Variants in ROBO2 observed in about 807,000 individuals in gnomAD.
The protein encoded by ROBO2 is roundabout homolog 2.
ROBO2 carries 53 observed loss-of-function variants against 160.8 expected under a neutral mutation model. The observed-to-expected ratio is 0.33, with a 90% CI of 0.26 to 0.41. The LOEUF is 0.41. Ranked by LOEUF, ROBO2 falls within the 10% of genes least tolerant of loss-of-function variation. The probability of loss-of-function intolerance (pLI) is 1.00; values close to 1 mark genes in which losing one functional copy is unlikely to be tolerated. For missense variants in ROBO2, 1,577 were observed against 1,722.4 expected, an observed-to-expected ratio of 0.92 and a Z score of 1.49; for synonymous variants, 664 against 611.7, an observed-to-expected ratio of 1.09 and a Z score of -1.26.
chr3:76,321,154 A>C (rs1411030235), intron 2 of ROBO2, among the ~76,000 whole-genome samples: 2 of 152,164 alleles, frequency 1.3e-5, no homozygotes, highest in African/African-American at 2.4e-5. Flanking sequence ...CCTAGGCTCT[A>C]AATAGAGCAA....
intron 2 of ROBO2, among the ~76,000 whole-genome samples, chr3:76,212,208 A>G (rs1156689772): frequency 6.6e-6 from 1 of 152,080 alleles, no homozygotes; most frequent in African/African-American, 2.4e-5. Flanking sequence ...AATCAATCAG[A>G]CATAATTCTG....
intron 2 of ROBO2, among the ~76,000 whole-genome samples, chr3:76,449,191 T>C (rs2077348918): frequency 6.6e-6 from 1 of 152,174 alleles, no homozygotes; most frequent in Non-Finnish European, 1.5e-5. Context: ...TTTAAAACTA[T>C]GTATAAATGT....
intron 2 of ROBO2, among the ~76,000 whole-genome samples, chr3:76,489,941 A>G (rs6789109): frequency 0.31 from 47,904 of 152,092 alleles, 8,040 homozygotes; most frequent in East Asian, 0.4. Flanking sequence ...ACATTAGGAC[A>G]TGCCTTAAAT....
chr3:76,470,933 G>A (rs1020458315), intron 2 of ROBO2, among the ~76,000 whole-genome samples: 1 of 152,030 alleles, frequency 6.6e-6, no homozygotes, highest in Non-Finnish European at 1.5e-5. Context: ...AGTTTCCTGA[G>A]TATAGTAATA....
chr3:76,109,475 C>G (rs1025343730), intron 2 of ROBO2, among the ~76,000 whole-genome samples: 2 of 151,910 alleles, frequency 1.3e-5, no homozygotes, highest in Non-Finnish European at 2.9e-5. Context: ...CAGGCATCAC[C>G]CTAAGGAGCT....
intron 2 of ROBO2, among the ~76,000 whole-genome samples, chr3:76,663,220 G>T (rs558977484): frequency 6.6e-6 from 1 of 152,280 alleles, no homozygotes; most frequent in East Asian, 1.9e-4. Flanking sequence ...AACCGACTGA[G>T]TATTGGTACC....
intron 2 of ROBO2, among the ~76,000 whole-genome samples, chr3:76,535,870 A>G (rs535405283): frequency 2.0e-5 from 3 of 152,188 alleles, no homozygotes; most frequent in Non-Finnish European, 4.4e-5. Context: ...CTCAGCATCC[A>G]TGATGGTCCA....
intron 2 of ROBO2, among the ~76,000 whole-genome samples, chr3:76,367,954 G>A (rs577892313): frequency 4.9e-4 from 74 of 151,358 alleles, no homozygotes; most frequent in Admixed American, 8.6e-4. Flanking sequence ...AAGTATAGAC[G>A]TGCCTTAAAA....
At chr3:77,462,017 C>T (rs180960852) in intron 2 of ROBO2, among the ~76,000 whole-genome samples, 200 of 152,266 alleles carry the variant, frequency 1.3e-3, no homozygotes, top group African/African-American at 4.5e-3. Context: ...TGAGCCACCA[C>T]GCCTGGCCTG....
At chr3:76,811,192 C>A (rs1017181900) in intron 2 of ROBO2, among the ~76,000 whole-genome samples, 1 of 152,030 alleles carries the variant, frequency 6.6e-6, no homozygotes, top group African/African-American at 2.4e-5. Flanking sequence ...AGAAGTCCAG[C>A]ATTTGTGGTT....
intron 2 of ROBO2, among the ~76,000 whole-genome samples, chr3:77,123,913 A>G (rs1040526466): frequency 8.4e-5 from 12 of 142,824 alleles, no homozygotes; most frequent in African/African-American, 1.8e-4. Flanking sequence ...GTAGATAGAT[A>G]TATAGATTAT....
chr3:76,627,818 G>A (rs1451543195), intron 2 of ROBO2, among the ~76,000 whole-genome samples: 1 of 152,146 alleles, frequency 6.6e-6, no homozygotes, highest in Non-Finnish European at 1.5e-5. Context: ...TGGGAGTGTA[G>A]CAAATGATGT....
chr3:76,223,919 C>T (rs924293600), intron 2 of ROBO2, among the ~76,000 whole-genome samples: 6 of 152,162 alleles, frequency 3.9e-5, no homozygotes, highest in African/African-American at 1.4e-4. Context: ...CTCTTTACTT[C>T]TTATAAGTAG....
At chr3:76,527,171 G>A (rs575055839) in intron 2 of ROBO2, among the ~76,000 whole-genome samples, 1 of 151,732 alleles carries the variant, frequency 6.6e-6, no homozygotes, top group South Asian at 2.1e-4. Context: ...GAAAAAAAAG[G>A]CTTGAAAAAA....
At chr3:76,819,537 A>C (rs1008869191) in intron 2 of ROBO2, among the ~76,000 whole-genome samples, 2 of 151,998 alleles carry the variant, frequency 1.3e-5, no homozygotes, top group Admixed American at 1.3e-4. Context: ...CATCTCTAAA[A>C]AGTGTAACTT....
intron 2 of ROBO2, among the ~76,000 whole-genome samples, chr3:76,305,821 G>C (rs1270016212): frequency 6.6e-6 from 1 of 151,642 alleles, no homozygotes; most frequent in Non-Finnish European, 1.5e-5. Flanking sequence ...TTGTGCTCTG[G>C]GGGTGACAGA....
intron 2 of ROBO2, among the ~76,000 whole-genome samples, chr3:76,806,390 G>A (rs1202290552): frequency 6.6e-6 from 1 of 151,870 alleles, no homozygotes; most frequent in Admixed American, 6.6e-5. Context: ...GTAAATAAAT[G>A]TTCTCTGAAC....
intron 2 of ROBO2, among the ~76,000 whole-genome samples, chr3:77,107,648 A>G (rs1280817708): frequency 6.6e-6 from 1 of 152,214 alleles, no homozygotes; most frequent in East Asian, 1.9e-4. Flanking sequence ...ATACTATGCC[A>G]TTTTATAAAA....
intron 2 of ROBO2, among the ~76,000 whole-genome samples, chr3:76,776,621 A>G (rs754376913): frequency 1.9e-4 from 29 of 150,906 alleles, no homozygotes; most frequent in Non-Finnish European, 3.0e-4. Context: ...ATTGCTCATC[A>G]TAGTGATGAT....
Sources: gnomAD v4.1 joint callset for allele counts (sites outside exome capture counted in the v4.1 genomes callset) on GRCh38, gnomAD v4.1.1 for gene constraint, MANE v1.5 for transcripts, NCBI Gene and HGNC (gene_info 2026-07-23, HGNC 2026-07-21) for gene names.